SAMMSON: variants seen among roughly 807,000 people sequenced by gnomAD.
SAMMSON encodes the protein survival associated mitochondrial melanoma specific oncogenic non-coding RNA, also known as long intergenic non-protein coding RNA 1212.
At chr3:70,404,195 C>T (rs566190176) in intron 2 of SAMMSON, among the ~76,000 whole-genome samples, 3 of 151,618 alleles carry the variant, frequency 2.0e-5, no homozygotes, top group African/African-American at 7.2e-5. Context: ...TATAATGGTG[C>T]TAATGATATG....
At chr3:70,266,639 T>G (rs1246992142) in intron 6 of SAMMSON, among the ~76,000 whole-genome samples, 1 of 152,032 alleles carries the variant, frequency 6.6e-6, no homozygotes, top group Non-Finnish European at 1.5e-5. Context: ...GAAGACAGGA[T>G]CTCCCTATGT....
intron 7 of SAMMSON, among the ~76,000 whole-genome samples, chr3:70,295,261 G>T (rs1431786170): frequency 6.6e-6 from 1 of 152,136 alleles, no homozygotes; most frequent in Admixed American, 6.5e-5. Context: ...TAGCCATTAT[G>T]ATTTTTTATT....
chr3:70,408,287 A>G (rs1276484080), intron 2 of SAMMSON, among the ~76,000 whole-genome samples: 2 of 152,258 alleles, frequency 1.3e-5, no homozygotes, highest in East Asian at 1.9e-4. Context: ...CTCGTTGCTT[A>G]TGCAAATATC....
intron 4 of SAMMSON, among the ~76,000 whole-genome samples, chr3:70,156,995 C>T (rs2067594650): frequency 6.6e-6 from 1 of 152,016 alleles, no homozygotes; most frequent in South Asian, 2.1e-4. Flanking sequence ...ATTTTCTTGC[C>T]TATTTTTGCT....
chr3:70,196,663 C>T (rs1264612503), intron 4 of SAMMSON, among the ~76,000 whole-genome samples: 1 of 152,150 alleles, frequency 6.6e-6, no homozygotes, highest in Non-Finnish European at 1.5e-5. Flanking sequence ...CTTGTACCTA[C>T]AGCATTTAAG....
At chr3:70,048,601 C>T (rs1486940172) in intron 3 of SAMMSON, among the ~76,000 whole-genome samples, 2 of 152,082 alleles carry the variant, frequency 1.3e-5, no homozygotes, top group Non-Finnish European at 2.9e-5. Context: ...CTAACTTTCT[C>T]TCACTGATTG....
intron 3 of SAMMSON, among the ~76,000 whole-genome samples, chr3:70,039,299 A>G (rs1355374071): frequency 6.6e-6 from 1 of 152,112 alleles, no homozygotes; most frequent in Non-Finnish European, 1.5e-5. Flanking sequence ...AGCTAATTTT[A>G]TGTGCCAACT....
At chr3:70,367,932 G>A (rs973643465) in intron 9 of SAMMSON, among the ~76,000 whole-genome samples, 2 of 149,100 alleles carry the variant, frequency 1.3e-5, no homozygotes, top group Non-Finnish European at 3.0e-5. Context: ...TTGTCTATTT[G>A]GTAATATTTT....
At chr3:70,194,095 C>T (rs1701153509) in intron 4 of SAMMSON, among the ~76,000 whole-genome samples, 1 of 152,118 alleles carries the variant, frequency 6.6e-6, no homozygotes, top group Admixed American at 6.6e-5. Context: ...ATTTTGTCGG[C>T]TTTTACAGAA....
chr3:70,236,596 A>T (rs752863378), intron 4 of SAMMSON, among the ~76,000 whole-genome samples: 5 of 152,066 alleles, frequency 3.3e-5, no homozygotes, highest in Non-Finnish European at 7.4e-5. Context: ...TTATTTTACT[A>T]GAAAACTTTT....
At chr3:70,376,304 T>C (rs1703014097) in intron 9 of SAMMSON, among the ~76,000 whole-genome samples, 1 of 152,202 alleles carries the variant, frequency 6.6e-6, no homozygotes, top group Non-Finnish European at 1.5e-5. Flanking sequence ...TTGGTGATTT[T>C]GGGTAAAGTG....
At chr3:70,124,814 C>CAAAAAAAA (rs1208323683) in intron 4 of SAMMSON, among the ~76,000 whole-genome samples, 230 of 53,472 alleles carry the variant, frequency 4.3e-3, no homozygotes, top group Non-Finnish European at 5.3e-3. Flanking sequence ...GACTCCATCT[C>CAAAAAAAA]AAAAAAAAAA....
chr3:70,270,167 G>GT (rs1345484674), intron 6 of SAMMSON, among the ~76,000 whole-genome samples: 1 of 152,066 alleles, frequency 6.6e-6, no homozygotes, highest in African/African-American at 2.4e-5. Context: ...GGAATACGTA[G>GT]ACAAGTAGAA....
intron 4 of SAMMSON, among the ~76,000 whole-genome samples, chr3:70,157,406 A>G (rs1197434524): frequency 6.6e-6 from 1 of 152,130 alleles, no homozygotes; most frequent in Non-Finnish European, 1.5e-5. Context: ...ATATACGCTG[A>G]GGAGAAGGTA....
At chr3:70,040,542 C>A (rs985002353) in intron 3 of SAMMSON, among the ~76,000 whole-genome samples, 2 of 152,260 alleles carry the variant, frequency 1.3e-5, no homozygotes, top group Non-Finnish European at 2.9e-5. Context: ...AGCTTTGTGA[C>A]TTGGTTGTCA....
At chr3:70,095,981 G>GAGTC (rs1424257475) in intron 4 of SAMMSON, 1 of 152,172 alleles carries the variant, frequency 6.6e-6, no homozygotes, top group African/African-American at 2.4e-5. Context: ...CTGTGGTCAT[G>GAGTC]AGTCCAGCAT....
intron 4 of SAMMSON, among the ~76,000 whole-genome samples, chr3:70,188,437 T>TA (rs1198988245): frequency 6.6e-6 from 1 of 152,216 alleles, no homozygotes; most frequent in Non-Finnish European, 1.5e-5. Context: ...GGTATTATGC[T>TA]AATCTTGGGA....
chr3:70,227,047 A>G (rs1701514742), intron 4 of SAMMSON, among the ~76,000 whole-genome samples: 1 of 152,158 alleles, frequency 6.6e-6, no homozygotes. Flanking sequence ...AAAATATACC[A>G]TATGCAGACA....
intron 6 of SAMMSON, among the ~76,000 whole-genome samples, chr3:70,260,656 C>T (rs959576957): frequency 2.6e-5 from 4 of 152,076 alleles, no homozygotes; most frequent in African/African-American, 9.7e-5. Flanking sequence ...CAACTTCTGT[C>T]AGACTGCCCT....
Sources: gnomAD v4.1 joint callset for allele counts (sites outside exome capture counted in the v4.1 genomes callset) on GRCh38, gnomAD v4.1.1 for gene constraint, MANE v1.5 for transcripts, NCBI Gene and HGNC (gene_info 2026-07-23, HGNC 2026-07-21) for gene names.